Variants in SGTA observed in about 807,000 individuals in gnomAD.
SGTA encodes small glutamine rich tetratricopeptide repeat co-chaperone alpha, also known as small glutamine-rich tetratricopeptide repeat-containing protein alpha.
SGTA carries 22 observed loss-of-function variants against 44.3 expected under a neutral mutation model. The ratio of observed to expected loss-of-function variants is 0.50; its 90% CI spans 0.36 to 0.71. The LOEUF is 0.71. SGTA is among the 30% of genes least tolerant of loss of function. The probability of loss-of-function intolerance (pLI) is 0.00; values close to 1 mark genes in which losing one functional copy is unlikely to be tolerated. For synonymous variants in SGTA, 174 were observed against 177.6 expected (o/e 0.98, Z 0.16); for missense variants, 341 against 435.9 (o/e 0.78, Z 1.94).
At position 2,761,030 on chromosome 19, in the gene SGTA, C is replaced by T. The variant is rs1347509808; in HGVS notation, c.699+430G>A. Among the ~76,000 whole-genome samples, 1 of 152,248 alleles carries T rather than the reference C, an allele frequency of 6.6e-6. No homozygotes were observed. Among genetic ancestry groups the T allele is most frequent in the African/African-American group, 2.4e-5 (1 of 41,472 alleles). On this transcript the variant is annotated intron_variant, in intron 8 of 11. Coordinates refer to ENST00000221566, the MANE Select transcript of SGTA (RefSeq NM_003021.4). The surrounding 1 kb of genome is among the most constrained non-coding windows in gnomAD (Gnocchi z 5.7). ...GGGCATCGGGAGGTCCACCTGCGCCCGGCGCACCCGGCGCTCTGCTTCCCT... is the reference window on the plus strand; with the variant it reads ...GGGCATCGGGAGGTCCACCTGCGCCTGGCGCACCCGGCGCTCTGCTTCCCT...
chr19:2,778,927 G>A (rs1915507597), intron 1 of SGTA, among the ~76,000 whole-genome samples: 1 of 152,192 alleles, frequency 6.6e-6, no homozygotes, highest in African/African-American at 2.4e-5. Flanking sequence ...GTGAGCAGGA[G>A]CAAGCTCAAT....
intron 1 of SGTA, among the ~76,000 whole-genome samples, chr19:2,779,113 C>T (rs752782176): frequency 1.1e-4 from 17 of 152,276 alleles, no homozygotes; most frequent in South Asian, 2.1e-4. Context: ...ACTGCCAAAC[C>T]GCCCCCAGCT....
intron 1 of SGTA, among the ~76,000 whole-genome samples, chr19:2,778,545 G>T (rs1005556): frequency 0.37 from 56,006 of 150,994 alleles, 12,878 homozygotes; most frequent in East Asian, 0.65. Context: ...CTTAGCCTCA[G>T]GGTCTCCACC....
rs1914997104 is a variant in SGTA at position 2,761,729 on chromosome 19, C to T, written c.637-207G>A. 6.7e-6 allele frequency among the ~76,000 whole-genome samples: 1 copy of T among 148,260 alleles called. No homozygotes were observed. The highest frequency in any genetic ancestry group is 1.5e-5 in the Non-Finnish European group (1 of 66,910). The stretch of plus-strand genomic sequence containing the variant: ...TGTCATCCCGTGTTTATTCCCCGCA[C>T]AGCGCGACCGCCCGGGGACGGCACA... On this transcript the variant is annotated intron_variant, in intron 7 of 11. Coordinates refer to ENST00000221566, the MANE Select transcript of SGTA (RefSeq NM_003021.4). The surrounding 1 kb of genome is among the most constrained non-coding windows in gnomAD (Gnocchi z 5.7).
Position 2,767,092 on chromosome 19 carries a change from C to T in SGTA, c.292+44G>A. ...TGCGAGGGTCCCACAGCCCCGGAGT[C>T]CAGGTAGGGCGAGGTGTCTGTGGGG... On this transcript the variant is annotated intron_variant, in intron 4 of 11. Coordinates refer to ENST00000221566, the MANE Select transcript of SGTA (RefSeq NM_003021.4). The surrounding 1 kb of genome is among the most constrained non-coding windows in gnomAD (Gnocchi z 7.3). 1 of 1,446,970 alleles carries T rather than the reference C, an allele frequency of 6.9e-7. No homozygotes were observed. Among genetic ancestry groups the T allele is most frequent in the Non-Finnish European group, 9.6e-7 (1 of 1,041,764 alleles). The allele number at this position is 1,446,970 out of a possible 1,614,324, so 89.6% of individuals were successfully genotyped here. A position where few individuals can be genotyped will look rare whatever the true frequency, so the allele number is the denominator to read the frequency against.
intron 2 of SGTA, among the ~76,000 whole-genome samples, chr19:2,768,494 C>T (rs143950378): frequency 6.6e-6 from 1 of 152,292 alleles, no homozygotes; most frequent in East Asian, 1.9e-4. Flanking sequence ...CCTCCGAGCC[C>T]CGGATCCAGG....
Position 2,761,417 on chromosome 19 carries a change from G to C in SGTA, c.699+43C>G. 1 of 1,504,590 alleles carries C rather than the reference G, an allele frequency of 6.6e-7. No individual in the cohort carries two copies. Among genetic ancestry groups the C allele is most frequent in the Non-Finnish European group, 9.0e-7 (1 of 1,105,064 alleles). The allele number at this position is 1,504,590 out of a possible 1,614,324, so 93.2% of individuals were successfully genotyped here. On this transcript the variant is annotated intron_variant, in intron 8 of 11. Coordinates refer to ENST00000221566, the MANE Select transcript of SGTA (RefSeq NM_003021.4). The surrounding 1 kb of genome is among the most constrained non-coding windows in gnomAD (Gnocchi z 5.7). ...GACACAGCAGATGCGGGCCTGGGGG[G>C]TGGCGCAGACACCATGGACAGGGAG...
In SGTA at chr19:2,755,798, G is replaced by A. The variant is rs1192170692; in HGVS notation, c.*142C>T. On this transcript the variant is annotated 3_prime_UTR_variant, in exon 12 of 12. Transcript: ENST00000221566. The surrounding 1 kb of genome is among the most constrained non-coding windows in gnomAD (Gnocchi z 5.2). ...AGTGGAGGAGGGCAGAGATAAAAGG[G>A]GAAAATCCATCTTGACATGCAGGTC... The A allele has an allele frequency of 4.1e-6, 4 of 985,434 alleles. No homozygotes were observed. The African/African-American group carries it at 5.2e-5, about 13-fold the overall frequency. 61.0% of individuals were successfully genotyped at this position (985,434 alleles called of 1,614,324 possible).
At chr19:2,764,822 C>T (rs1220483826) in intron 5 of SGTA, among the ~76,000 whole-genome samples, 3 of 152,176 alleles carry the variant, frequency 2.0e-5, no homozygotes, top group African/African-American at 7.2e-5. Context: ...CCGCCTCAGC[C>T]TCCCAAAGTG....
In SGTA at chr19:2,763,106, C is replaced by T. The variant is rs1279459542; in HGVS notation, c.498-462G>A. Among the ~76,000 whole-genome samples the T allele has an allele frequency of 6.6e-6, 1 of 152,172 alleles. No individual in the cohort carries two copies. On this transcript the variant is annotated intron_variant, in intron 6 of 11. Coordinates refer to ENST00000221566, the MANE Select transcript of SGTA (RefSeq NM_003021.4). The surrounding 1 kb of genome is among the most constrained non-coding windows in gnomAD (Gnocchi z 5.8). ...AGGTGACTCAGGGCCCCTACAGAGC[C>T]CAGGAGGAGGCGGGTCCTGGGGAGA...
chr19:2,757,670 C>A lies in SGTA; in HGVS notation c.827+23G>T, dbSNP rs141077219. ...CTGCCCGCCGCCCACGTCCTCCGTC[C>A]TCTTGGAAGCAGTTCCACTCACGCC... On this transcript the variant is annotated intron_variant, in intron 10 of 11. Coordinates refer to ENST00000221566, the MANE Select transcript of SGTA (RefSeq NM_003021.4). The A allele has an allele frequency of 5.8e-4, 889 of 1,532,840 alleles. 4 individuals carry two copies. The African/African-American group carries it at 0.011, about 19-fold the overall frequency. 95.0% of individuals were successfully genotyped at this position (1,532,840 alleles called of 1,614,324 possible).
rs1463410591 is a variant in SGTA at position 2,765,486 on chromosome 19, A to G, written c.293-201T>C. 2.0e-5 allele frequency among the ~76,000 whole-genome samples: 3 copies of G among 152,056 alleles called. No individual in the cohort carries two copies. The highest frequency in any genetic ancestry group is 1.9e-4 in the East Asian group (1 of 5,172). On this transcript the variant is annotated intron_variant, in intron 4 of 11. Coordinates refer to ENST00000221566, the MANE Select transcript of SGTA (RefSeq NM_003021.4). This position sits in a 1 kb window ranked among gnomAD's most constrained non-coding sequence, Gnocchi z 5.5. Reference sequence around the variant, plus strand: ...GGGGGTTCGCTAGTCGCAAACAATCATATCTACATCCACTAAGGGGGATGG... The same window carrying G: ...GGGGGTTCGCTAGTCGCAAACAATCGTATCTACATCCACTAAGGGGGATGG...
At chr19:2,771,583 G>T (rs1047979561) in intron 1 of SGTA, among the ~76,000 whole-genome samples, 2 of 151,760 alleles carry the variant, frequency 1.3e-5, no homozygotes, top group Non-Finnish European at 2.9e-5. Context: ...ATCGGGGGGG[G>T]GGGGAGGGGT....
chr19:2,776,058 C>G (rs563688331), intron 1 of SGTA, among the ~76,000 whole-genome samples: 1 of 152,066 alleles, frequency 6.6e-6, no homozygotes, highest in East Asian at 1.9e-4. Flanking sequence ...ATCTCATGTA[C>G]GACACATCAG....
chr19:2,763,841 T>C lies in SGTA; in HGVS notation c.393-84A>G, dbSNP rs1260171690. ...CCTTGAGGGGAGCCTGAGAGCTGCG[T>C]TCCTCTCCAACTTCCTGGAGGAACG... On this transcript the variant is annotated intron_variant, in intron 5 of 11. Coordinates refer to ENST00000221566, the MANE Select transcript of SGTA (RefSeq NM_003021.4). This position sits in a 1 kb window ranked among gnomAD's most constrained non-coding sequence, Gnocchi z 5.8. 2.9e-6 allele frequency: 3 copies of C among 1,045,020 alleles called. No homozygotes were observed. Among genetic ancestry groups the C allele is most frequent in the Admixed American group, 4.6e-5 (2 of 43,552 alleles). 64.7% of individuals were successfully genotyped at this position (1,045,020 alleles called of 1,614,324 possible). A position where few individuals can be genotyped will look rare whatever the true frequency, so the allele number is the denominator to read the frequency against.
In SGTA at chr19:2,763,247, C is replaced by A. The variant is rs983148913; in HGVS notation, c.497+406G>T. 6.6e-6 allele frequency among the ~76,000 whole-genome samples: 1 copy of A among 152,192 alleles called. No homozygotes were observed. Among genetic ancestry groups the A allele is most frequent in the Non-Finnish European group, 1.5e-5 (1 of 68,024 alleles). On this transcript the variant is annotated intron_variant, in intron 6 of 11. Transcript: ENST00000221566. This position sits in a 1 kb window ranked among gnomAD's most constrained non-coding sequence, Gnocchi z 5.8. ...CACGCTTATGCTGGGAGGGCGGCAC[C>A]GGCTGCACGGGGCGCAGGCTCCTGC...
rs541962019 is a variant in SGTA at position 2,766,203 on chromosome 19, G to A, written c.293-918C>T. 9.2e-5 allele frequency among the ~76,000 whole-genome samples: 14 copies of A among 152,062 alleles called. 1 individual carries two copies. The highest frequency in any genetic ancestry group is 2.7e-4 in the African/African-American group (11 of 41,508). ...TGCACTCCAGCCTGGGCGACAGAGC[G>A]AGACTCCATCTCAAAAAAGAAAAAA... On this transcript the variant is annotated intron_variant, in intron 4 of 11. Coordinates refer to ENST00000221566, the MANE Select transcript of SGTA (RefSeq NM_003021.4).
At position 2,765,311 on chromosome 19, in the gene SGTA, C is replaced by G; in HGVS notation, c.293-26G>C. ...CTACAGGGAGAGAGGAAAACACCGG[C>G]CCGGTGTCCACACAGACCGGAGGGG... On this transcript the variant is annotated intron_variant, in intron 4 of 11. Transcript: ENST00000221566. The surrounding 1 kb of genome is among the most constrained non-coding windows in gnomAD (Gnocchi z 5.5). 1.3e-6 allele frequency: 2 copies of G among 1,553,964 alleles called. No individual in the cohort carries two copies. Among genetic ancestry groups the G allele is most frequent in the Non-Finnish European group, 1.8e-6 (2 of 1,127,260 alleles).
chr19:2,771,731 C>T (rs1915316238), intron 1 of SGTA, among the ~76,000 whole-genome samples: 1 of 152,262 alleles, frequency 6.6e-6, no homozygotes, highest in Non-Finnish European at 1.5e-5. Context: ...TGCAGTTTCA[C>T]TGGGAGCATT....
Sources: allele counts gnomAD v4.1 joint callset (sites outside exome capture counted in the v4.1 genomes callset), GRCh38; gene constraint gnomAD v4.1.1; non-coding constraint Gnocchi (gnomAD v3.1); transcripts MANE v1.5; gene names NCBI Gene and HGNC (gene_info 2026-07-23, HGNC 2026-07-21).